The following DCDC1 variants were observed in gnomAD, a reference collection of about 807,000 sequenced individuals.
DCDC1 encodes doublecortin domain containing 1.
A neutral mutation model predicts 178.3 loss-of-function variants in DCDC1; 200 were observed. The observed-to-expected ratio is 1.12, with a 90% confidence interval of 1.00 to 1.26. The LOEUF is 1.26. Ranked by LOEUF, DCDC1 falls within the 50% of genes most tolerant of loss-of-function variation. The pLI is 0.00. For synonymous variants in DCDC1, 690 were observed against 604.8 expected (o/e 1.14, Z -2.07); for missense variants, 1,983 against 1,749.2 (o/e 1.13, Z -2.38).
chr11:31,344,691 T>A (rs974483197), intron 1 of DCDC1, among the ~76,000 whole-genome samples: 1 of 152,226 alleles, frequency 6.6e-6, no homozygotes, highest in Non-Finnish European at 1.5e-5. Flanking sequence ...ACAGTTCATG[T>A]AGATTTTCCA....
chr11:30,919,099 G>A (rs1247679099), intron 25 of DCDC1, among the ~76,000 whole-genome samples: 1 of 152,048 alleles, frequency 6.6e-6, no homozygotes, highest in South Asian at 2.1e-4. Context: ...GATGATTTAG[G>A]ATTATTTCAG....
intron 17 of DCDC1, among the ~76,000 whole-genome samples, chr11:31,085,642 T>A (rs1444908747): frequency 6.6e-6 from 1 of 152,114 alleles, no homozygotes; most frequent in African/African-American, 2.4e-5. Context: ...GGATGGACAT[T>A]TGAGTTATTT....
intron 20 of DCDC1, among the ~76,000 whole-genome samples, chr11:31,039,549 C>T (rs1954298144): frequency 1.3e-5 from 2 of 151,954 alleles, no homozygotes; most frequent in South Asian, 4.1e-4. Flanking sequence ...GAAGTCCTCG[C>T]CAACAACATG....
intron 9 of DCDC1, among the ~76,000 whole-genome samples, chr11:31,183,148 T>C (rs896318050): frequency 3.9e-5 from 6 of 152,102 alleles, no homozygotes; most frequent in African/African-American, 9.7e-5. Context: ...CACACAATAA[T>C]AGTGAGAGAT....
chr11:31,251,801 G>A (rs1944055343), intron 8 of DCDC1, among the ~76,000 whole-genome samples: 1 of 152,086 alleles, frequency 6.6e-6, no homozygotes, highest in African/African-American at 2.4e-5. Context: ...AAGAGGATAG[G>A]GTGAGAGAGA....
intron 8 of DCDC1, among the ~76,000 whole-genome samples, chr11:31,261,061 C>T (rs567398470): frequency 1.3e-5 from 2 of 152,192 alleles, no homozygotes; most frequent in South Asian, 2.1e-4. Flanking sequence ...AGATTAAGTA[C>T]AGGATTAATA....
intron 20 of DCDC1, among the ~76,000 whole-genome samples, chr11:31,030,758 T>G (rs1953570467): frequency 6.6e-6 from 1 of 152,144 alleles, no homozygotes; most frequent in South Asian, 2.1e-4. Context: ...TAGAGACATT[T>G]AACTTCCATC....
chr11:31,036,678 G>A (rs1590833300), intron 20 of DCDC1, among the ~76,000 whole-genome samples: 1 of 152,232 alleles, frequency 6.6e-6, no homozygotes, highest in African/African-American at 2.4e-5. Flanking sequence ...CCAAAATCAA[G>A]TCCCTTATAT....
At chr11:31,333,953 G>T (rs1021829216) in intron 2 of DCDC1, among the ~76,000 whole-genome samples, 8 of 152,122 alleles carry the variant, frequency 5.3e-5, no homozygotes, top group African/African-American at 1.9e-4. Context: ...AGTTCTCCTG[G>T]ATAATATCCT....
rs748425165 is a variant in DCDC1, at chr11:30,920,800, G to A, written c.3269C>T (p.Thr1090Met). Reference sequence around the variant, plus strand: ...CAGAATTTCACTGGAAGCATTTTCCGTTGTTAGAGGATCTTCTTGCATTTG... The same window carrying A: ...CAGAATTTCACTGGAAGCATTTTCCATTGTTAGAGGATCTTCTTGCATTTG... ...EKQMQEDPLT[T>M]ENASSEILDS... Residue 1090 changes from threonine to methionine, a missense_variant, in exon 25 of 39, where the codon ACG (threonine) becomes ATG (methionine). Coordinates refer to ENST00000684477, the MANE Select transcript of DCDC1 (RefSeq NM_001387274.1). 129 of 1,613,560 alleles carry A rather than the reference G, an allele frequency of 8.0e-5. No homozygotes were observed. The highest frequency in any genetic ancestry group is 1.0e-4 in the Non-Finnish European group (123 of 1,179,710).
chr11:30,926,281 T>C (rs1946584804), intron 22 of DCDC1, among the ~76,000 whole-genome samples: 1 of 151,924 alleles, frequency 6.6e-6, no homozygotes, highest in Non-Finnish European at 1.5e-5. Flanking sequence ...ATGAGGAGGG[T>C]ATGGACCAGA....
At chr11:31,016,092 T>C (rs1952471704) in intron 20 of DCDC1, among the ~76,000 whole-genome samples, 1 of 152,216 alleles carries the variant, frequency 6.6e-6, no homozygotes, top group African/African-American at 2.4e-5. Context: ...ACCTTTTAAC[T>C]GAGAGACCTT....
intron 9 of DCDC1, among the ~76,000 whole-genome samples, chr11:31,141,431 T>C (rs1390952649): frequency 1.3e-5 from 2 of 152,206 alleles, no homozygotes; most frequent in Non-Finnish European, 2.9e-5. Context: ...GTTTTCTCTG[T>C]ATTAAGAATA....
rs141230453 is a variant in DCDC1, at chr11:31,303,408, C to T, written c.754+2207G>A. Among the ~76,000 whole-genome samples the T allele has an allele frequency of 5.9e-5, 9 of 152,272 alleles. No homozygotes were observed. In the East Asian group the frequency reaches 1.4e-3, roughly 23 times the overall value. On this transcript the variant is annotated intron_variant, in intron 6 of 38. Transcript: ENST00000684477. ...CATGTTCAATTATCCAACTTCTGAT[C>T]ATGTCTCTTTAAGTTTATCTACCAC...
At chr11:31,215,885 A>C (rs755070337) in intron 9 of DCDC1, among the ~76,000 whole-genome samples, 3 of 152,172 alleles carry the variant, frequency 2.0e-5, no homozygotes, top group Non-Finnish European at 4.4e-5. Flanking sequence ...TTAGTTTCAT[A>C]AACATAAAAG....
At chr11:31,246,280 T>A (rs975365747) in intron 8 of DCDC1, among the ~76,000 whole-genome samples, 1 of 151,974 alleles carries the variant, frequency 6.6e-6, no homozygotes, top group Admixed American at 6.6e-5. Context: ...TCAGTCAGAG[T>A]ACATGAGACT....
chr11:31,043,527 A>G (rs490279), intron 20 of DCDC1, among the ~76,000 whole-genome samples: 18,725 of 152,044 alleles, frequency 0.12, 1,341 homozygotes, highest in East Asian at 0.29. Flanking sequence ...ACATGCTTAA[A>G]TCAGTTTGCA....
chr11:31,253,571 G>T (rs12422128), intron 8 of DCDC1, among the ~76,000 whole-genome samples: 17 of 152,126 alleles, frequency 1.1e-4, no homozygotes, highest in African/African-American at 3.9e-4. Context: ...AACAAAAGAG[G>T]TTATGAAAAG....
At chr11:31,233,719 A>G (rs913413530) in intron 9 of DCDC1, among the ~76,000 whole-genome samples, 2 of 152,166 alleles carry the variant, frequency 1.3e-5, no homozygotes, top group Non-Finnish European at 2.9e-5. Context: ...TGAGGACTGG[A>G]GCACCTTATC....
Sources: gnomAD v4.1 joint callset for allele counts (sites outside exome capture counted in the v4.1 genomes callset) on GRCh38, gnomAD v4.1.1 for gene constraint, MANE v1.5 for transcripts, NCBI Gene and HGNC (gene_info 2026-07-23, HGNC 2026-07-21) for gene names.